The following COL14A1 variants were observed in gnomAD, a reference collection of about 807,000 sequenced individuals.
COL14A1 encodes the protein collagen alpha-1(XIV) chain.
A neutral mutation model predicts 230.3 loss-of-function variants in COL14A1; 136 were observed. That is an observed-to-expected ratio of 0.59 (90% CI 0.51 to 0.68). The LOEUF is 0.68. COL14A1 is among the 30% of genes least tolerant of loss of function. The pLI is 0.00. For missense variants in COL14A1, 1,976 were observed against 2,215.8 expected (o/e 0.89, Z 2.17); for synonymous variants, 792 against 784.1 (o/e 1.01, Z -0.17).
intron 13 of COL14A1, among the ~76,000 whole-genome samples, chr8:120,214,857 C>G (rs1339201676): frequency 6.6e-6 from 1 of 152,060 alleles, no homozygotes; most frequent in Non-Finnish European, 1.5e-5. Flanking sequence ...AAAGCTTCAC[C>G]AAGCAGGTGG....
chr8:120,265,026 G>T (rs1204676074), intron 24 of COL14A1, among the ~76,000 whole-genome samples: 1 of 152,042 alleles, frequency 6.6e-6, no homozygotes, highest in Admixed American at 6.6e-5. Flanking sequence ...TCCACCCATT[G>T]GTTCTGGTTC....
chr8:120,231,751 T>G, intron 19 of COL14A1, 133 bp downstream of exon 19: 1 of 931,584 alleles, frequency 1.1e-6, no homozygotes, highest in East Asian at 2.7e-5. Flanking sequence ...ACTAATGTTC[T>G]CTGTTAATCT....
chr8:120,359,946 C>T (rs921437025), intron 45 of COL14A1, among the ~76,000 whole-genome samples: 2 of 152,116 alleles, frequency 1.3e-5, no homozygotes. Flanking sequence ...ACTGCACTTC[C>T]TCCCTCTCGC....
chr8:120,243,796 C>G lies in COL14A1; in HGVS notation c.2350-83C>G, dbSNP rs563496389. On this transcript the variant is annotated intron_variant, in intron 19 of 47. Coordinates refer to ENST00000297848, the MANE Select transcript of COL14A1 (RefSeq NM_021110.4). ...CACATCTCTTTTCTTTTGATTATTT[C>G]AAAATGCATAAAGTTATGCTCCATT... The G allele has an allele frequency of 2.7e-6, 4 of 1,470,420 alleles. No individual in the cohort carries two copies. In the East Asian group the frequency reaches 9.4e-5, roughly 35 times the overall value. The allele number at this position is 1,470,420 out of a possible 1,614,324, so 91.1% of individuals were successfully genotyped here.
intron 13 of COL14A1, chr8:120,213,979 T>C: frequency 2.4e-6 from 1 of 411,930 alleles, no homozygotes; most frequent in Middle Eastern, 3.5e-4. Context: ...AAGATCTTTA[T>C]TGTCAAAGAA....
intron 7 of COL14A1, among the ~76,000 whole-genome samples, chr8:120,198,586 A>G (rs1817124112): frequency 6.6e-6 from 1 of 152,208 alleles, no homozygotes; most frequent in South Asian, 2.1e-4. Context: ...ATGCTCATTG[A>G]AGCATTTCAG....
At chr8:120,348,116 G>A (rs562359064) in intron 45 of COL14A1, among the ~76,000 whole-genome samples, 38 of 151,424 alleles carry the variant, frequency 2.5e-4, no homozygotes, top group African/African-American at 7.5e-4. Flanking sequence ...GTGCAAAAAC[G>A]TGGAACCAAC....
At chr8:120,265,671 G>T (rs1007686492) in intron 24 of COL14A1, among the ~76,000 whole-genome samples, 1 of 151,722 alleles carries the variant, frequency 6.6e-6, no homozygotes, top group Non-Finnish European at 1.5e-5. Flanking sequence ...GTGTGCGTAA[G>T]TTTTATTTTT....
At chr8:120,338,214 G>A (rs1002042025) in intron 42 of COL14A1, among the ~76,000 whole-genome samples, 10 of 152,166 alleles carry the variant, frequency 6.6e-5, no homozygotes, top group Non-Finnish European at 1.5e-4. Flanking sequence ...GACTCAAGTT[G>A]CACCCTAATT....
At chr8:120,189,298 C>A (rs1455218442) in intron 5 of COL14A1, among the ~76,000 whole-genome samples, 2 of 152,048 alleles carry the variant, frequency 1.3e-5, no homozygotes, top group Non-Finnish European at 2.9e-5. Flanking sequence ...TGTCTTAGAG[C>A]TGCTAACCTG....
At chr8:120,197,202 T>TA (rs924553747) in intron 6 of COL14A1, among the ~76,000 whole-genome samples, 57 of 152,290 alleles carry the variant, frequency 3.7e-4, no homozygotes, top group African/African-American at 1.4e-3. Flanking sequence ...CTTTAAAAGT[T>TA]ACAGCTGGTT....
chr8:120,146,437 C>CTA (rs147626201), intron 1 of COL14A1, among the ~76,000 whole-genome samples: 33,554 of 151,912 alleles, frequency 0.22, 4,450 homozygotes, highest in South Asian at 0.3. Context: ...CTATACCTTA[C>CTA]TATAGTAAGG....
At position 120,282,410 on chromosome 8, in the gene COL14A1, C is replaced by T. The variant is rs1820067165; in HGVS notation, c.3825-1226C>T. 2.0e-5 allele frequency among the ~76,000 whole-genome samples: 3 copies of T among 152,146 alleles called. No homozygotes were observed. The South Asian group carries it at 6.2e-4, about 31-fold the overall frequency. Reference sequence around the variant, plus strand: ...ATGCTTTACCAGGTTTCTAGATATTCCTTAATCCGGTCAAGTTGAAACCTA... The same window carrying T: ...ATGCTTTACCAGGTTTCTAGATATTTCTTAATCCGGTCAAGTTGAAACCTA... On this transcript the variant is annotated intron_variant, in intron 31 of 47. Transcript: ENST00000297848.
intron 45 of COL14A1, among the ~76,000 whole-genome samples, chr8:120,357,907 C>T (rs1823041815): frequency 6.6e-6 from 1 of 152,150 alleles, no homozygotes. Flanking sequence ...TTGAAGACTA[C>T]TAATACCTTT....
intron 29 of COL14A1, among the ~76,000 whole-genome samples, chr8:120,280,510 T>G (rs1309299953): frequency 6.6e-6 from 1 of 152,206 alleles, no homozygotes; most frequent in East Asian, 1.9e-4. Flanking sequence ...AAGGAAGCTG[T>G]GGTCCTTTAG....
intron 5 of COL14A1, among the ~76,000 whole-genome samples, chr8:120,178,690 C>G (rs549937203): frequency 6.6e-6 from 1 of 152,188 alleles, no homozygotes. Flanking sequence ...TACACTCCCA[C>G]CCACAGTGTA....
chr8:120,283,055 G>A (rs1474615328), intron 31 of COL14A1, among the ~76,000 whole-genome samples: 1 of 152,106 alleles, frequency 6.6e-6, no homozygotes, highest in Non-Finnish European at 1.5e-5. Flanking sequence ...CATGACCTTG[G>A]GAGAGGCATC....
chr8:120,350,531 G>T (rs1822711799), intron 45 of COL14A1, among the ~76,000 whole-genome samples: 1 of 150,858 alleles, frequency 6.6e-6, no homozygotes, highest in Admixed American at 6.6e-5. Context: ...AAAATAAAAG[G>T]ATGGAGGAAG....
chr8:120,222,722 G>A (rs1586780275), intron 14 of COL14A1, among the ~76,000 whole-genome samples: 1 of 151,942 alleles, frequency 6.6e-6, no homozygotes, highest in Admixed American at 6.6e-5. Flanking sequence ...TTAAGAAACA[G>A]TTTTTTTGGT....
Sources: gnomAD v4.1 joint callset for allele counts (sites outside exome capture counted in the v4.1 genomes callset) on GRCh38, gnomAD v4.1.1 for gene constraint, MANE v1.5 for transcripts, NCBI Gene and HGNC (gene_info 2026-07-23, HGNC 2026-07-21) for gene names.